Variants in NCALD observed in about 807,000 individuals in gnomAD.
NCALD encodes neurocalcin-delta.
NCALD carries 10 observed loss-of-function variants against 18.6 expected under a neutral mutation model. The observed-to-expected ratio is 0.54, with a 90% CI of 0.33 to 0.91. The LOEUF is 0.91. Among genes scored for constraint, NCALD ranks in the 40% least tolerant of loss-of-function variants. NCALD has a pLI of 0.03. For missense variants in NCALD, 184 were observed against 247.6 expected (o/e 0.74, Z 1.72); for synonymous variants, 88 against 87.4 (o/e 1.01, Z -0.04).
chr8:101,814,526 G>T (rs1423825711), intron 4 of NCALD, among the ~76,000 whole-genome samples: 1 of 152,010 alleles, frequency 6.6e-6, no homozygotes, highest in Non-Finnish European at 1.5e-5. Context: ...CCTACAGCTA[G>T]CATCATACTT....
chr8:102,080,806 A>C (rs985131656), intron 1 of NCALD, among the ~76,000 whole-genome samples: 3 of 152,244 alleles, frequency 2.0e-5, no homozygotes, highest in Non-Finnish European at 4.4e-5. Flanking sequence ...ATACAAGACC[A>C]GTGGGCTCTG....
At chr8:102,003,816 C>T (rs1225378619) in intron 2 of NCALD, among the ~76,000 whole-genome samples, 2 of 152,122 alleles carry the variant, frequency 1.3e-5, no homozygotes, top group East Asian at 3.8e-4. Flanking sequence ...AGGCCTTTGA[C>T]AAAATTCAAC....
At chr8:101,962,753 G>C (rs1164525897) in intron 2 of NCALD, among the ~76,000 whole-genome samples, 1 of 152,140 alleles carries the variant, frequency 6.6e-6, no homozygotes, top group East Asian at 1.9e-4. Flanking sequence ...AATAAACTTA[G>C]TCCATATTAA....
chr8:101,893,536 A>G (rs1489190182), intron 3 of NCALD, among the ~76,000 whole-genome samples: 13 of 123,944 alleles, frequency 1.0e-4, no homozygotes, highest in South Asian at 8.4e-4. Context: ...ATGTAAATGG[A>G]CTAAATGCTC....
chr8:101,886,082 G>GA (rs201623816), intron 4 of NCALD, among the ~76,000 whole-genome samples: 3 of 151,578 alleles, frequency 2.0e-5, no homozygotes, highest in Admixed American at 6.6e-5. Context: ...TGCCATGAGG[G>GA]AAAAAAAACA....
Position 101,861,346 on chromosome 8 carries a change from C to T in NCALD, c.-20+25795G>A, listed in dbSNP as rs967062008. Among the ~76,000 whole-genome samples, 11 of 151,850 alleles carry T rather than the reference C, an allele frequency of 7.2e-5. 1 individual carries two copies. The highest frequency in any genetic ancestry group is 1.9e-4 in the African/African-American group (8 of 41,308). On this transcript the variant is annotated intron_variant, in intron 4 of 6. Transcript: ENST00000311028. ...AGCTCACTAAATTCTTGCCACCCTC[C>T]GAGTCAGTGGCGTTTCTCAGCTTAT...
At chr8:101,868,011 T>C (rs902842096) in intron 4 of NCALD, among the ~76,000 whole-genome samples, 1 of 151,954 alleles carries the variant, frequency 6.6e-6, no homozygotes, top group Non-Finnish European at 1.5e-5. Context: ...TGAAAATAGG[T>C]TTTTAGTTTT....
chr8:102,003,729 C>G (rs1373274033), intron 2 of NCALD, among the ~76,000 whole-genome samples: 1 of 152,176 alleles, frequency 6.6e-6, no homozygotes, highest in Non-Finnish European at 1.5e-5. Context: ...TCAACATACG[C>G]AAATCAATAA....
At chr8:101,894,945 C>G (rs1385899010) in intron 3 of NCALD, among the ~76,000 whole-genome samples, 2 of 150,934 alleles carry the variant, frequency 1.3e-5, no homozygotes, top group Non-Finnish European at 2.9e-5. Flanking sequence ...CAAGGAGGAA[C>G]TGGTACCATT....
chr8:102,050,980 C>CTA (rs1208676707), intron 1 of NCALD, among the ~76,000 whole-genome samples: 3 of 147,774 alleles, frequency 2.0e-5, no homozygotes, highest in African/African-American at 4.9e-5. Flanking sequence ...CTAGCATATG[C>CTA]TATATATACA....
At chr8:101,855,347 C>T (rs1815270411) in intron 4 of NCALD, among the ~76,000 whole-genome samples, 1 of 152,068 alleles carries the variant, frequency 6.6e-6, no homozygotes, top group Non-Finnish European at 1.5e-5. Context: ...ATGTGAGATC[C>T]CTCAGTCTTA....
intron 1 of NCALD, among the ~76,000 whole-genome samples, chr8:102,080,373 A>G (rs1249073404): frequency 6.6e-6 from 1 of 152,174 alleles, no homozygotes; most frequent in Non-Finnish European, 1.5e-5. Context: ...AAAACAATAT[A>G]CCACGGCACA....
intron 1 of NCALD, among the ~76,000 whole-genome samples, chr8:102,052,946 A>G (rs1823503970): frequency 6.6e-6 from 1 of 152,210 alleles, no homozygotes; most frequent in African/African-American, 2.4e-5. Flanking sequence ...AAATGTTAAA[A>G]CCATTCTTAG....
At chr8:102,035,218 G>A (rs1041272760) in intron 1 of NCALD, among the ~76,000 whole-genome samples, 2 of 149,320 alleles carry the variant, frequency 1.3e-5, no homozygotes, top group South Asian at 2.2e-4. Flanking sequence ...GAAGAATCTC[G>A]GTGACTGCTT....
chr8:101,913,456 A>G (rs1817870734), intron 3 of NCALD, among the ~76,000 whole-genome samples: 1 of 152,246 alleles, frequency 6.6e-6, no homozygotes, highest in African/African-American at 2.4e-5. Context: ...AATCAGACTC[A>G]ACATTTTTCA....
At chr8:102,004,137 C>A (rs1356069560) in intron 2 of NCALD, among the ~76,000 whole-genome samples, 1 of 151,650 alleles carries the variant, frequency 6.6e-6, no homozygotes, top group African/African-American at 2.4e-5. Context: ...ACCCCACTGT[C>A]TCAGCCCAAA....
chr8:101,833,099 C>T (rs927444276), intron 4 of NCALD, among the ~76,000 whole-genome samples: 6 of 152,170 alleles, frequency 3.9e-5, no homozygotes, highest in African/African-American at 1.4e-4. Context: ...TCTTCCTGAG[C>T]CACAGCTTCC....
chr8:102,073,160 G>T (rs1824232225), intron 1 of NCALD, among the ~76,000 whole-genome samples: 3 of 152,102 alleles, frequency 2.0e-5, no homozygotes, highest in African/African-American at 7.2e-5. Flanking sequence ...TTATAGCTGG[G>T]CATGGTGGCA....
In NCALD at chr8:102,063,109, G is replaced by A. The variant is rs188938536; in HGVS notation, c.-209-42820C>T. Among the ~76,000 whole-genome samples the A allele has an allele frequency of 6.3e-4, 96 of 152,208 alleles. No individual in the cohort carries two copies. The South Asian group carries it at 0.011, about 17-fold the overall frequency. Reference sequence around the variant, plus strand: ...GAATGCACTAATTAAACCCAAAACTGCAAAGCCAATAAAACTCAAAATAAC... The same window carrying A: ...GAATGCACTAATTAAACCCAAAACTACAAAGCCAATAAAACTCAAAATAAC... On this transcript the variant is annotated intron_variant, in intron 1 of 6. Coordinates refer to the NCALD transcript ENST00000311028.
Sources: allele counts gnomAD v4.1 joint callset (sites outside exome capture counted in the v4.1 genomes callset), GRCh38; gene constraint gnomAD v4.1.1; transcripts MANE v1.5; gene names NCBI Gene and HGNC (gene_info 2026-07-23, HGNC 2026-07-21).